Variants in BTBD9 observed in about 807,000 individuals in gnomAD.
The protein encoded by BTBD9 is BTB/POZ domain-containing protein 9.
In BTBD9, 49 loss-of-function variants were observed where a neutral mutation model predicts 64.3. The ratio of observed to expected loss-of-function variants is 0.76; its 90% CI spans 0.61 to 0.97. The LOEUF (loss-of-function observed/expected upper bound fraction) is 0.97, where lower values mean the gene tolerates loss of function less well. BTBD9 is among the 50% of genes least tolerant of loss of function. The pLI, the probability that BTBD9 is intolerant of heterozygous loss-of-function variation, is 0.00. For synonymous variants in BTBD9, 260 were observed against 274.7 expected (o/e 0.95, Z 0.53); for missense variants, 598 against 762.1 (o/e 0.78, Z 2.53).
At chr6:38,603,468 A>G (rs1435023576) in intron 1 of BTBD9, among the ~76,000 whole-genome samples, 4 of 152,258 alleles carry the variant, frequency 2.6e-5, no homozygotes, top group African/African-American at 2.4e-5. Flanking sequence ...TGAGAGTACC[A>G]TATGTAGTTC....
intron 7 of BTBD9, among the ~76,000 whole-genome samples, chr6:38,301,287 T>C (rs1762392810): frequency 6.6e-6 from 1 of 152,236 alleles, no homozygotes; most frequent in Non-Finnish European, 1.5e-5. Flanking sequence ...GATTTTTGCA[T>C]CAATGTTCAT....
chr6:38,352,654 A>T (rs569378060), intron 6 of BTBD9, among the ~76,000 whole-genome samples: 1 of 152,350 alleles, frequency 6.6e-6, no homozygotes, highest in Non-Finnish European at 1.5e-5. Flanking sequence ...GGTAGAGAGA[A>T]GGCCATAAGA....
rs1439934150 is a variant in BTBD9, at chr6:38,171,730, C to T, written c.*3255G>A. 1 of 150,574 alleles carries T rather than the reference C, an allele frequency of 6.6e-6. No homozygotes were observed. The highest frequency in any genetic ancestry group is 1.5e-5 in the Non-Finnish European group (1 of 67,718). 9.3% of individuals were successfully genotyped at this position (150,574 alleles called of 1,614,324 possible). On this transcript the variant is annotated 3_prime_UTR_variant, in exon 11 of 11. Transcript: ENST00000481247. ...ATGGACACAGCTGCTGCCCAGCACA[C>T]ACCCTACCTGCCCTACACTCTCAGT...
At chr6:38,277,134 C>T (rs907708515) in intron 8 of BTBD9, among the ~76,000 whole-genome samples, 3 of 152,112 alleles carry the variant, frequency 2.0e-5, no homozygotes, top group Non-Finnish European at 4.4e-5. Flanking sequence ...CAAATTTCAT[C>T]GTGGCATGAA....
intron 6 of BTBD9, among the ~76,000 whole-genome samples, chr6:38,405,271 A>G (rs1767113846): frequency 6.6e-6 from 1 of 152,170 alleles, no homozygotes; most frequent in Admixed American, 6.5e-5. Context: ...CTGATACCCT[A>G]TAAGACAAGG....
intron 1 of BTBD9, among the ~76,000 whole-genome samples, chr6:38,611,119 T>C (rs1164282207): frequency 2.0e-5 from 3 of 152,134 alleles, no homozygotes; most frequent in Non-Finnish European, 4.4e-5. Flanking sequence ...AGGATATATA[T>C]GTGTTTAAAT....
chr6:38,587,804 C>T (rs1352937827), intron 4 of BTBD9: 2 of 713,974 alleles, frequency 2.8e-6, no homozygotes, highest in Non-Finnish European at 2.7e-6. Context: ...AAACAGTCTA[C>T]TCAGGTTATG....
chr6:38,369,081 A>G (rs1193993573), intron 6 of BTBD9, among the ~76,000 whole-genome samples: 1 of 151,970 alleles, frequency 6.6e-6, no homozygotes, highest in East Asian at 1.9e-4. Context: ...CTTTCTCCTC[A>G]CTTCATAGCC....
intron 9 of BTBD9, among the ~76,000 whole-genome samples, chr6:38,223,615 G>C (rs763655679): frequency 2.0e-4 from 31 of 152,120 alleles, no homozygotes; most frequent in Non-Finnish European, 4.0e-4. Flanking sequence ...TAGATTATAG[G>C]TGTGAACCAC....
chr6:38,538,931 AC>A (rs1774146909), intron 6 of BTBD9, among the ~76,000 whole-genome samples: 1 of 152,016 alleles, frequency 6.6e-6, no homozygotes, highest in Admixed American at 6.6e-5. Flanking sequence ...CAACAGGCAC[AC>A]ACCACCACAT....
At chr6:38,213,025 T>TG (rs1762889039) in intron 9 of BTBD9, among the ~76,000 whole-genome samples, 1 of 151,908 alleles carries the variant, frequency 6.6e-6, no homozygotes, top group Non-Finnish European at 1.5e-5. Context: ...TTCAGGTGTT[T>TG]TTTTTTTTTT....
At chr6:38,320,868 A>G (rs1763207035) in intron 7 of BTBD9, among the ~76,000 whole-genome samples, 1 of 152,182 alleles carries the variant, frequency 6.6e-6, no homozygotes, top group Non-Finnish European at 1.5e-5. Flanking sequence ...AGCCACCTTT[A>G]AGGATAAGAG....
intron 6 of BTBD9, among the ~76,000 whole-genome samples, chr6:38,517,897 C>T (rs114095171): frequency 0.015 from 2,344 of 152,254 alleles, 68 homozygotes; most frequent in African/African-American, 0.052. Context: ...GCATTACCAC[C>T]TTAATCCTCA....
intron 1 of BTBD9, 94 bp from the exon 2 acceptor site, chr6:38,598,215 T>C: frequency 1.0e-6 from 1 of 957,914 alleles, no homozygotes; most frequent in South Asian, 1.9e-5. Context: ...AAATTTAAAG[T>C]GCTTAGAAAA....
intron 6 of BTBD9, among the ~76,000 whole-genome samples, chr6:38,414,120 T>A (rs1455249057): frequency 6.6e-6 from 1 of 152,240 alleles, no homozygotes; most frequent in Non-Finnish European, 1.5e-5. Flanking sequence ...CTTATCTTTA[T>A]GTTTGTGGAC....
intron 8 of BTBD9, among the ~76,000 whole-genome samples, chr6:38,266,670 GAAA>G (rs1765015675): frequency 9.5e-6 from 1 of 104,992 alleles, no homozygotes; most frequent in East Asian, 2.5e-4. Flanking sequence ...AAGAAAGAAA[GAAA>G]GAAAGAAGAA....
intron 6 of BTBD9, among the ~76,000 whole-genome samples, chr6:38,547,641 C>T (rs1032478625): frequency 1.3e-5 from 2 of 152,094 alleles, no homozygotes; most frequent in African/African-American, 4.8e-5. Flanking sequence ...CGTGCTGTTC[C>T]TTCATCCGTT....
chr6:38,268,989 T>C (rs1765112066), intron 8 of BTBD9, among the ~76,000 whole-genome samples: 1 of 152,228 alleles, frequency 6.6e-6, no homozygotes, highest in South Asian at 2.1e-4. Flanking sequence ...TCTAATGGAC[T>C]TCTTTCATGA....
rs1427545569 is a variant in BTBD9, at chr6:38,494,173, CAA to C, written c.1154+83425_1154+83426del. On this transcript the variant is annotated intron_variant, in intron 6 of 10. Transcript: ENST00000481247. ...AATTTCAAAATGCAGTTTCAAAGGA[CAA>C]AGTTCAGTAGCAAATCTTTTCATGT... is the stretch of plus-strand genomic sequence containing the variant. Among the ~76,000 whole-genome samples the C allele has an allele frequency of 3.3e-5, 5 of 152,334 alleles. No individual in the cohort carries two copies. In the South Asian group the frequency reaches 8.3e-4, roughly 25 times the overall value.
Sources: allele counts gnomAD v4.1 joint callset (sites outside exome capture counted in the v4.1 genomes callset), GRCh38; gene constraint gnomAD v4.1.1; transcripts MANE v1.5; gene names NCBI Gene and HGNC (gene_info 2026-07-23, HGNC 2026-07-21).